The following SRPRA variants were observed in gnomAD, a reference collection of about 807,000 sequenced individuals.
The protein encoded by SRPRA is SRP receptor subunit alpha.
Under a neutral mutation model 61.1 loss-of-function variants are expected in SRPRA, and 30 were observed. That is an observed-to-expected ratio of 0.49 (90% CI 0.37 to 0.67). SRPRA has a LOEUF of 0.67. SRPRA is among the 30% of genes least tolerant of loss of function. The pLI is 0.00. For synonymous variants in SRPRA, 324 were observed against 299.7 expected (o/e 1.08, Z -0.84); for missense variants, 759 against 828.4 (o/e 0.92, Z 1.03).
the SRPRA span, chr11:126,254,330 G>T: frequency 1.9e-6 from 3 of 1,614,098 alleles, no homozygotes; most frequent in Non-Finnish European, 2.5e-6. Context: ...CAGGAGAAGC[G>T]TAAGCTGAGC....
chr11:126,266,786 A>G lies in SRPRA; in HGVS notation c.663T>C (p.His221=), dbSNP rs1380544596. 2.5e-6 allele frequency: 4 copies of G among 1,613,978 alleles called. No homozygotes were observed. The East Asian group carries it at 6.7e-5, about 27-fold the overall frequency. ...RRKREEFIQK[H]GRGMEKSNKS... ...ACTTGGACTTCTCCATACCCCTCCC[A>G]TGCTTCTGAATGAACTCCTCGCGCT... The change falls in exon 5 of 14, where the codon CAT becomes CAC. Residue 221 remains histidine (H), a synonymous_variant. Coordinates refer to ENST00000332118, the MANE Select transcript of SRPRA (RefSeq NM_003139.4).
At chr11:126,250,250 C>A in the SRPRA span, among the ~76,000 whole-genome samples, 6 of 152,100 alleles carry the variant, frequency 3.9e-5, no homozygotes, top group African/African-American at 1.4e-4. The surrounding 1 kb of genome is among the most constrained non-coding windows in gnomAD (Gnocchi z 5.1). Context: ...TGTCACCACG[C>A]CCTGCTAATT....
At chr11:126,255,475 G>T in the SRPRA span, among the ~76,000 whole-genome samples, 1 of 151,818 alleles carries the variant, frequency 6.6e-6, no homozygotes, top group African/African-American at 2.4e-5. This position sits in a 1 kb window ranked among gnomAD's most constrained non-coding sequence, Gnocchi z 4.6. Context: ...CTGTGTTTTT[G>T]TGTGTGTATA....
Position 126,265,977 on chromosome 11 carries a change from C to CG in SRPRA, c.1036dup (p.Arg346ProfsTer2). ...TCAGAACTTACCAATGAGATGATCA[C>CG]GCATCTTGTCCAGCACAGATTCCAT... On this transcript the variant is annotated frameshift_variant, in exon 8 of 14. Transcript: ENST00000332118. LOFTEE classifies it high-confidence loss of function. The surrounding 1 kb of genome is among the most constrained non-coding windows in gnomAD (Gnocchi z 6.3). The CG allele has an allele frequency of 6.2e-7, 1 of 1,614,172 alleles. No homozygotes were observed. Among genetic ancestry groups the CG allele is most frequent in the Non-Finnish European group, 8.5e-7 (1 of 1,180,018 alleles).
chr11:126,263,154 G>C lies in SRPRA; in HGVS notation c.*762C>G, dbSNP rs1453648268. ...GCTTAGGAGGTGAAGGATGGGAGGG[G>C]AGGGGGTCATCATACATCCTTCTGA... is the stretch of plus-strand genomic sequence containing the variant. On this transcript the variant is annotated 3_prime_UTR_variant, in exon 14 of 14. Coordinates refer to ENST00000332118, the MANE Select transcript of SRPRA (RefSeq NM_003139.4). 6.6e-6 allele frequency: 1 copy of C among 152,530 alleles called. No homozygotes were observed. Among genetic ancestry groups the C allele is most frequent in the Non-Finnish European group, 1.5e-5 (1 of 68,076 alleles). The allele number at this position is 152,530 out of a possible 1,614,324, so 9.4% of individuals were successfully genotyped here. A position where few individuals can be genotyped will look rare whatever the true frequency, so the allele number is the denominator to read the frequency against.
chr11:126,236,088 A>G, the SRPRA span, among the ~76,000 whole-genome samples: 1 of 152,200 alleles, frequency 6.6e-6, no homozygotes, highest in African/African-American at 2.4e-5. Flanking sequence ...CACTCTGGAC[A>G]CTTGTTCTCC....
Position 126,265,377 on chromosome 11 carries a change from C to T in SRPRA, c.1202G>A (p.Arg401His), listed in dbSNP as rs751205736. 24 of 1,613,930 alleles carry T rather than the reference C, an allele frequency of 1.5e-5. No homozygotes were observed. The highest frequency in any genetic ancestry group is 5.3e-5 in the African/African-American group (4 of 74,924). ...GATGTCCCGGAGCATGTCTACACGA[C>T]GCTGTGGCTGCAGAATCTGCACCAG... ...ESLVQILQPQRRVDMLRDIMD... is the reference protein window; with the variant it reads ...ESLVQILQPQHRVDMLRDIMD... Residue 401 changes from arginine to histidine, a missense_variant, in exon 10 of 14, where the codon CGT becomes CAT. Around this residue, in one of 2 missense-constraint regions of SRPRA, gnomAD observed 284 missense variants for 365.9 expected, o/e 0.78. Transcript: ENST00000332118. This position sits in a 1 kb window ranked among gnomAD's most constrained non-coding sequence, Gnocchi z 6.3.
chr11:126,267,974 C>G lies in SRPRA; in HGVS notation c.201+29G>C. 1 of 1,604,374 alleles carries G rather than the reference C, an allele frequency of 6.2e-7. No homozygotes were observed. Among genetic ancestry groups the G allele is most frequent in the Non-Finnish European group, 8.5e-7 (1 of 1,171,244 alleles). ...AAAAATCAGGGCTATGTTAACAATG[C>G]AATCGTCCCTCTACAACACCCCACT... On this transcript the variant is annotated intron_variant, in intron 2 of 13. Transcript: ENST00000332118. This position sits in a 1 kb window ranked among gnomAD's most constrained non-coding sequence, Gnocchi z 4.2.
the SRPRA span, chr11:126,256,919 G>T: frequency 6.9e-7 from 1 of 1,458,126 alleles, no homozygotes. This position sits in a 1 kb window ranked among gnomAD's most constrained non-coding sequence, Gnocchi z 6.6. Context: ...GTGTATTTGT[G>T]ATGTGATGGG....
the SRPRA span, chr11:126,254,533 T>G: frequency 6.7e-7 from 1 of 1,498,266 alleles, no homozygotes; most frequent in Non-Finnish European, 9.1e-7. Context: ...TTTCATTAAG[T>G]GAAAACGGAA....
At chr11:126,259,846 G>T (rs557572300), downstream of SRPRA, among the ~76,000 whole-genome samples, 1 of 151,598 alleles carries the variant, frequency 6.6e-6, no homozygotes, top group Non-Finnish European at 1.5e-5. Context: ...TCAGTCTCCC[G>T]AGTAGCTGGG....
At chr11:126,245,813 A>G in the SRPRA span, among the ~76,000 whole-genome samples, 2 of 152,158 alleles carry the variant, frequency 1.3e-5, no homozygotes, top group Non-Finnish European at 2.9e-5. Flanking sequence ...CCTGGCCAAC[A>G]TGGTGAAACC....
At chr11:126,250,654 A>C in the SRPRA span, 1 of 1,614,140 alleles carries the variant, frequency 6.2e-7, no homozygotes, top group Non-Finnish European at 8.5e-7. The surrounding 1 kb of genome is among the most constrained non-coding windows in gnomAD (Gnocchi z 5.1). Flanking sequence ...TTAACTACAA[A>C]TTTTGATAAT....
At position 126,265,592 on chromosome 11, in the gene SRPRA, A is replaced by G; in HGVS notation, c.1138+145T>C. 6.6e-6 allele frequency: 8 copies of G among 1,214,480 alleles called. 1 individual carries two copies. In the South Asian group the frequency reaches 1.1e-4, roughly 17 times the overall value. The allele number at this position is 1,214,480 out of a possible 1,614,324, so 75.2% of individuals were successfully genotyped here. On this transcript the variant is annotated intron_variant, in intron 9 of 13. Coordinates refer to ENST00000332118, the MANE Select transcript of SRPRA (RefSeq NM_003139.4). This position sits in a 1 kb window ranked among gnomAD's most constrained non-coding sequence, Gnocchi z 6.3. ...AGACGCACATTACAAGGACTAACTC[A>G]CTGAATCCTCTCAATAACCCTTAAA...
chr11:126,264,251 A>G lies in SRPRA; in HGVS notation c.1728T>C (p.Ala576=). ...TGCCATCAATGAGCCGAGGTGTCTG[A>G]GCCATAGAATGGTCAGCCAAGGCTC... ...FNRALADHSM[A]QTPRLIDGIV... The change falls in exon 13 of 14, where the codon GCT becomes GCC. Residue 576 remains alanine, a synonymous_variant. Coordinates refer to ENST00000332118, the MANE Select transcript of SRPRA (RefSeq NM_003139.4). This position sits in a 1 kb window ranked among gnomAD's most constrained non-coding sequence, Gnocchi z 5.0. The G allele has an allele frequency of 6.2e-7, 1 of 1,614,136 alleles. No individual in the cohort carries two copies. The highest frequency in any genetic ancestry group is 8.5e-7 in the Non-Finnish European group (1 of 1,180,010).
chr11:126,268,838 G>C lies in SRPRA; in HGVS notation c.-34C>G, dbSNP rs747659250. On this transcript the variant is annotated 5_prime_UTR_variant, in exon 1 of 14. Transcript: ENST00000332118. Reference sequence around the variant, plus strand: ...CGGCAGAGGAGCTGGGGCCGGCGCCGGGAATTCAGGCCGCGTTCGCCGCCG... The same window carrying C: ...CGGCAGAGGAGCTGGGGCCGGCGCCCGGAATTCAGGCCGCGTTCGCCGCCG... 8.9e-6 allele frequency: 14 copies of C among 1,568,176 alleles called. No individual in the cohort carries two copies. In the East Asian group the frequency reaches 2.7e-4, roughly 30 times the overall value.
chr11:126,265,020 C>T lies in SRPRA; in HGVS notation c.1464G>A (p.Gln488=), dbSNP rs769414199. 1 of 1,614,232 alleles carries T rather than the reference C, an allele frequency of 6.2e-7. No homozygotes were observed. Among genetic ancestry groups the T allele is most frequent in the Non-Finnish European group, 8.5e-7 (1 of 1,180,038 alleles). ...CCTTGCCATAGCCCTTTTCAAACAA[C>T]TGCACCATGGTGCGGCCACCATGCT... The part of the protein sequence containing the change: ...PEKHGGRTMV[Q]LFEKGYGKDA... The change falls in exon 11 of 14, where the codon CAG becomes CAA. Residue 488 remains glutamine, a synonymous_variant. Coordinates refer to ENST00000332118, the MANE Select transcript of SRPRA (RefSeq NM_003139.4). The surrounding 1 kb of genome is among the most constrained non-coding windows in gnomAD (Gnocchi z 6.3).
In SRPRA at chr11:126,267,330, G is replaced by A. The variant is rs1950832930; in HGVS notation, c.371C>T (p.Ala124Val). ...QNDFLRLLRE[A>V]EESSKIRAPT... ...AGCACGGATCTTACTGCTCTCCTCTGCTTCACTAAACAAAAAGGAGAATGG... is the reference window on the plus strand; with the variant it reads ...AGCACGGATCTTACTGCTCTCCTCTACTTCACTAAACAAAAAGGAGAATGG... The change falls in exon 4 of 14, where the codon GCA becomes GTA. Residue 124 changes from alanine to valine, a missense_variant. This residue lies in a region of SRPRA where 475 missense variants were observed against 462.5 expected (regional missense o/e 1.03). Coordinates refer to ENST00000332118, the MANE Select transcript of SRPRA (RefSeq NM_003139.4). This position sits in a 1 kb window ranked among gnomAD's most constrained non-coding sequence, Gnocchi z 4.2. The A allele has an allele frequency of 1.2e-6, 2 of 1,613,260 alleles. No homozygotes were observed. Among genetic ancestry groups the A allele is most frequent in the South Asian group, 2.2e-5 (2 of 90,832 alleles).
Position 126,263,487 on chromosome 11 carries a change from G to T in SRPRA, c.*429C>A, listed in dbSNP as rs1017505960. ...GGGACCTGCAGGCTGTGTATCCTAG[G>T]GAGAGGTGCCATTCAAGACCTGGCG... On this transcript the variant is annotated 3_prime_UTR_variant, in exon 14 of 14. Coordinates refer to ENST00000332118, the MANE Select transcript of SRPRA (RefSeq NM_003139.4). 1 of 162,538 alleles carries T rather than the reference G, an allele frequency of 6.2e-6. No homozygotes were observed. 10.1% of individuals were successfully genotyped at this position (162,538 alleles called of 1,614,324 possible). A position where few individuals can be genotyped will look rare whatever the true frequency, so the allele number is the denominator to read the frequency against.
Sources: allele counts gnomAD v4.1 joint callset (sites outside exome capture counted in the v4.1 genomes callset), GRCh38; gene constraint gnomAD v4.1.1; regional missense constraint gnomAD v4.1.1; non-coding constraint Gnocchi (gnomAD v3.1); transcripts MANE v1.5; gene names NCBI Gene and HGNC (gene_info 2026-07-23, HGNC 2026-07-21).